The following ZMYM2 variants were observed in gnomAD, a reference collection of about 807,000 sequenced individuals.
ZMYM2 encodes zinc finger MYM-type containing 2, also known as zinc finger MYM-type protein 2.
ZMYM2 carries 56 observed loss-of-function variants against 162.8 expected under a neutral mutation model. That is an observed-to-expected ratio of 0.34 (90% confidence interval 0.28 to 0.43). The LOEUF (loss-of-function observed/expected upper bound fraction) is 0.43, where lower values mean the gene tolerates loss of function less well. Ranked by LOEUF, ZMYM2 falls within the 20% of genes least tolerant of loss-of-function variation. ZMYM2 has a pLI of 1.00. For missense variants in ZMYM2, 1,275 were observed against 1,621.8 expected, an observed-to-expected ratio of 0.79 and a Z score of 3.67; for synonymous variants, 510 against 541.6, an observed-to-expected ratio of 0.94 and a Z score of 0.81.
the ZMYM2 span, among the ~76,000 whole-genome samples, chr13:19,890,881 A>AT: frequency 6.6e-6 from 1 of 151,772 alleles, no homozygotes; most frequent in Admixed American, 6.6e-5. Context: ...CAAAAAAAAA[A>AT]AAAAATTCAG....
chr13:19,947,414 T>C, the ZMYM2 span, among the ~76,000 whole-genome samples: 1 of 151,180 alleles, frequency 6.6e-6, no homozygotes, highest in African/African-American at 2.4e-5. Context: ...TAGGCACGTA[T>C]TACTCCACAG....
chr13:19,985,718 AAG>A (rs1480475147), intron 2 of ZMYM2, among the ~76,000 whole-genome samples: 1 of 151,710 alleles, frequency 6.6e-6, no homozygotes, highest in African/African-American at 2.4e-5. Context: ...GAAAAAAAAA[AAG>A]AAAAATTTGG....
Position 20,087,379 on chromosome 13 carries a change from T to A in ZMYM2, c.*1365T>A, listed in dbSNP as rs1035129864. On this transcript the variant is annotated 3_prime_UTR_variant, in exon 25 of 25. Transcript: ENST00000610343. The stretch of plus-strand genomic sequence containing the variant: ...ACTTTCTAAAGACTGAACAAAGTGC[T>A]AGCTGCAAATTATCTTGAAATCATT... The A allele has an allele frequency of 1.6e-5, 3 of 190,392 alleles. No homozygotes were observed. Among genetic ancestry groups the A allele is most frequent in the Non-Finnish European group, 3.3e-5 (3 of 90,602 alleles). The allele number at this position is 190,392 out of a possible 1,614,324, so 11.8% of individuals were successfully genotyped here. A position where few individuals can be genotyped will look rare whatever the true frequency, so the allele number is the denominator to read the frequency against.
chr13:20,058,995 T>C (rs1466490769), intron 15 of ZMYM2: 2 of 466,702 alleles, frequency 4.3e-6, no homozygotes, highest in African/African-American at 4.0e-5. Flanking sequence ...TAATGCTTCC[T>C]CTGAGAAAAT....
chr13:20,043,024 A>T (rs549813084), intron 12 of ZMYM2, among the ~76,000 whole-genome samples: 5 of 151,924 alleles, frequency 3.3e-5, no homozygotes, highest in Admixed American at 6.6e-5. Flanking sequence ...GTGCCCAGCC[A>T]ATTTTTTTTT....
At chr13:20,031,248 A>T in intron 9 of ZMYM2, 71 bp from the exon 10 acceptor site, 1 of 1,052,322 alleles carries the variant, frequency 9.5e-7, no homozygotes, top group Non-Finnish European at 1.4e-6. Flanking sequence ...CATCGTAGAT[A>T]TATGACAGTA....
At chr13:20,056,553 G>A (rs1261646996) in intron 14 of ZMYM2, among the ~76,000 whole-genome samples, 1 of 152,106 alleles carries the variant, frequency 6.6e-6, no homozygotes, top group Non-Finnish European at 1.5e-5. Flanking sequence ...AAACCACCAT[G>A]GATAGACTCC....
rs944702427 is a variant in ZMYM2, at chr13:20,067,277, A to G, written c.3340A>G (p.Thr1114Ala). The G allele has an allele frequency of 6.3e-7, 1 of 1,584,452 alleles. No homozygotes were observed. The highest frequency in any genetic ancestry group is 8.6e-7 in the Non-Finnish European group (1 of 1,164,164). The change falls in exon 21 of 25, where the codon ACC becomes GCC. Residue 1114 changes from threonine (T) to alanine (A), a missense_variant. Coordinates refer to ENST00000610343, the MANE Select transcript of ZMYM2 (RefSeq NM_197968.4). The stretch of plus-strand genomic sequence containing the variant: ...GTTAAAAGAGGATCTACTCTCTCAC[A>G]CCACAGCTGAGCTTAACTATGGGTT... ...VKLKEDLLSH[T>A]TAELNYGLAH...
the ZMYM2 span, among the ~76,000 whole-genome samples, chr13:19,912,344 T>C: frequency 6.6e-6 from 1 of 150,982 alleles, no homozygotes; most frequent in South Asian, 2.1e-4. Flanking sequence ...TTGTTTTTTG[T>C]TTTTTTGAGA....
intron 12 of ZMYM2, among the ~76,000 whole-genome samples, chr13:20,048,477 T>A (rs772339705): frequency 1.1e-4 from 17 of 151,998 alleles, no homozygotes; most frequent in Non-Finnish European, 2.1e-4. Context: ...CAGAAAGCTG[T>A]ATTGAGAAGT....
chr13:19,884,570 T>C, the ZMYM2 span, among the ~76,000 whole-genome samples: 1 of 151,574 alleles, frequency 6.6e-6, no homozygotes, highest in Non-Finnish European at 1.5e-5. Context: ...AGGAAACCTG[T>C]ATCAAAAAGA....
chr13:19,966,740 C>T (rs567703434), intron 2 of ZMYM2, among the ~76,000 whole-genome samples: 1 of 152,238 alleles, frequency 6.6e-6, no homozygotes, highest in Non-Finnish European at 1.5e-5. Context: ...CGCGCCCAGC[C>T]TGCTTGTTTT....
At chr13:20,023,393 A>G (rs1952289857) in intron 7 of ZMYM2, among the ~76,000 whole-genome samples, 2 of 152,192 alleles carry the variant, frequency 1.3e-5, no homozygotes, top group South Asian at 4.1e-4. Context: ...ATTGGTCCAA[A>G]TGTACCAAAT....
intron 15 of ZMYM2, 88 bp from the exon 16 acceptor site, chr13:20,059,359 A>AT: frequency 6.9e-7 from 1 of 1,456,506 alleles, no homozygotes; most frequent in Non-Finnish European, 9.2e-7. Flanking sequence ...AGGTAGTTAA[A>AT]TTTTTCTTTA....
At chr13:19,968,411 C>T (rs1348478028) in intron 2 of ZMYM2, among the ~76,000 whole-genome samples, 1 of 152,118 alleles carries the variant, frequency 6.6e-6, no homozygotes, top group Admixed American at 6.5e-5. Context: ...AGGTGCGCGC[C>T]ACTGTCCCTG....
intron 21 of ZMYM2, among the ~76,000 whole-genome samples, chr13:20,076,262 C>G (rs530351386): frequency 1.3e-5 from 2 of 150,276 alleles, no homozygotes; most frequent in East Asian, 3.9e-4. Flanking sequence ...TGAGCATTCT[C>G]TTTGTTTTAT....
intron 9 of ZMYM2, 90 bp from the exon 10 acceptor site, chr13:20,031,229 C>A: frequency 1.1e-6 from 1 of 902,072 alleles, no homozygotes; most frequent in Non-Finnish European, 1.7e-6. Flanking sequence ...ATGTATATTA[C>A]TTTCTGGACA....
intron 18 of ZMYM2, 35 bp downstream of exon 18, chr13:20,063,006 AT>A: frequency 6.4e-7 from 1 of 1,574,598 alleles, no homozygotes; most frequent in Non-Finnish European, 8.6e-7. Flanking sequence ...GAATTTAGTT[AT>A]GGAGTCAACT....
the ZMYM2 span, among the ~76,000 whole-genome samples, chr13:19,866,934 T>A: frequency 6.6e-6 from 1 of 152,178 alleles, no homozygotes; most frequent in Non-Finnish European, 1.5e-5. Context: ...ATTTAATGAC[T>A]TATTAAAGTA....
Sources: gnomAD v4.1 joint callset for allele counts (sites outside exome capture counted in the v4.1 genomes callset) on GRCh38, gnomAD v4.1.1 for gene constraint, MANE v1.5 for transcripts, NCBI Gene and HGNC (gene_info 2026-07-23, HGNC 2026-07-21) for gene names.